Variants in FSCN2 observed in about 807,000 individuals in gnomAD.
FSCN2 encodes fascin actin-bundling protein 2, retinal, also known as fascin-2.
FSCN2 carries 46 observed loss-of-function variants against 37.8 expected under a neutral mutation model. The ratio of observed to expected loss-of-function variants is 1.22; its 90% CI spans 0.96 to 1.56. The LOEUF is 1.56. FSCN2 is among the 40% of genes most tolerant of loss of function. The probability of loss-of-function intolerance (pLI) is 0.00; values close to 1 mark genes in which losing one functional copy is unlikely to be tolerated. For missense variants in FSCN2, 844 were observed against 730.4 expected, an observed-to-expected ratio of 1.16 and a Z score of -1.79; for synonymous variants, 351 against 309.4, an observed-to-expected ratio of 1.13 and a Z score of -1.41.
At chr17:81,522,881 C>A in the FSCN2 span, among the ~76,000 whole-genome samples, 1 of 152,232 alleles carries the variant, frequency 6.6e-6, no homozygotes, top group East Asian at 1.9e-4. Context: ...CTCCTCCTGT[C>A]CCCTGCATGT....
intron 1 of FSCN2, among the ~76,000 whole-genome samples, chr17:81,532,894 G>T (rs1314111987): frequency 6.6e-6 from 1 of 152,098 alleles, no homozygotes; most frequent in Non-Finnish European, 1.5e-5. Context: ...CCCTACTCAA[G>T]ACCAGCTCCC....
chr17:81,529,888 C>CT (rs1340156925), intron 1 of FSCN2, among the ~76,000 whole-genome samples: 8 of 152,396 alleles, frequency 5.2e-5, no homozygotes, highest in Non-Finnish European at 1.2e-4. Flanking sequence ...CGGCTCACTG[C>CT]AAGCGCCGCC....
the FSCN2 span, among the ~76,000 whole-genome samples, chr17:81,520,520 C>A: frequency 6.6e-6 from 1 of 152,262 alleles, no homozygotes; most frequent in Non-Finnish European, 1.5e-5. Context: ...CGTCACCAAG[C>A]TGGGAAGGTG....
chr17:81,536,294 G>T, intron 3 of FSCN2, 27 bp downstream of exon 3: 1 of 1,581,828 alleles, frequency 6.3e-7, no homozygotes, highest in East Asian at 2.3e-5. Context: ...CCAGGTACTG[G>T]GGCAGGGGCT....
At position 81,536,212 on chromosome 17, in the gene FSCN2, G is replaced by A. The variant is rs748477893; in HGVS notation, c.1050G>A (p.Gly350=). The A allele has an allele frequency of 6.2e-7, 1 of 1,601,108 alleles. No individual in the cohort carries two copies. The highest frequency in any genetic ancestry group is 1.1e-5 in the South Asian group (1 of 89,112). The change falls in exon 3 of 5, where the codon GGG becomes GGA. Residue 350 remains glycine (G), a synonymous_variant. Coordinates refer to ENST00000417245, the MANE Select transcript of FSCN2 (RefSeq NM_012418.4). ...GRRVALKASN[G]RYVCMKKNGQ... is the part of the protein sequence containing the mutation. Reference sequence around the variant, plus strand: ...GGGTAGCACTCAAAGCCAGCAACGGGCGCTACGTGTGCATGAAGAAGAATG... The same window carrying A: ...GGGTAGCACTCAAAGCCAGCAACGGACGCTACGTGTGCATGAAGAAGAATG...
chr17:81,522,683 G>T, the FSCN2 span, among the ~76,000 whole-genome samples: 2 of 151,758 alleles, frequency 1.3e-5, no homozygotes, highest in Non-Finnish European at 2.9e-5. Flanking sequence ...ATGCAGGTTC[G>T]CAGGGGCTGG....
At chr17:81,528,196 A>G (rs1015499846), upstream of FSCN2, among the ~76,000 whole-genome samples, 6 of 152,332 alleles carry the variant, frequency 3.9e-5, no homozygotes, top group East Asian at 1.2e-3. Flanking sequence ...CCTGCCCTCC[A>G]GCCCCGTAGG....
the FSCN2 span, among the ~76,000 whole-genome samples, chr17:81,518,485 C>T: frequency 6.6e-6 from 1 of 152,040 alleles, no homozygotes; most frequent in East Asian, 1.9e-4. Context: ...GAGGAGGGAG[C>T]GCAGAGGAAG....
At chr17:81,525,424 T>TC (rs2032321121), upstream of FSCN2, among the ~76,000 whole-genome samples, 1 of 49,076 alleles carries the variant, frequency 2.0e-5, no homozygotes, top group Non-Finnish European at 4.4e-5. Flanking sequence ...AGACTCTGTC[T>TC]CAAAAAAAAA....
At chr17:81,526,017 G>C (rs1224420740), upstream of FSCN2, among the ~76,000 whole-genome samples, 1 of 152,226 alleles carries the variant, frequency 6.6e-6, no homozygotes, top group East Asian at 1.9e-4. Flanking sequence ...GTGGAGCTGT[G>C]GGGCCCTAGA....
rs782669868 is a variant in FSCN2, at chr17:81,528,543, C to A, written c.12C>A (p.Asn4Lys). The change falls in exon 1 of 5, where the codon AAC becomes AAA. Residue 4 changes from asparagine to lysine, a missense_variant. Transcript: ENST00000417245. Reference protein sequence around the residue: MPTNGLHQVLKIQF... With the variant: MPTKGLHQVLKIQF... ...CGGCCAGCCTGAAGATGCCGACGAA[C>A]GGCCTGCACCAGGTGCTGAAGATCC... The A allele has an allele frequency of 6.3e-7, 1 of 1,595,938 alleles. No homozygotes were observed. The highest frequency in any genetic ancestry group is 1.7e-5 in the Admixed American group (1 of 58,196).
intron 1 of FSCN2, among the ~76,000 whole-genome samples, chr17:81,531,540 A>ATGGCGATGATGG (rs2032603306): frequency 1.0e-5 from 1 of 96,764 alleles, no homozygotes; most frequent in African/African-American, 4.0e-5. Flanking sequence ...GATGGTGGTG[A>ATGGCGATGATGG]TGATGGTGAT....
intron 2 of FSCN2, among the ~76,000 whole-genome samples, chr17:81,535,666 TCC>T (rs1264162755): frequency 2.0e-4 from 1 of 5,060 alleles, no homozygotes; most frequent in African/African-American, 1.1e-3. Flanking sequence ...CCCATCTCCA[TCC>T]CCACCATCCC....
At chr17:81,519,751 G>A in the FSCN2 span, among the ~76,000 whole-genome samples, 1 of 152,306 alleles carries the variant, frequency 6.6e-6, no homozygotes, top group Admixed American at 6.5e-5. Context: ...CCGTGGCAGT[G>A]GATGAGGGGG....
intron 1 of FSCN2, among the ~76,000 whole-genome samples, chr17:81,531,330 G>GTGGTGA (rs2032566439): frequency 7.2e-5 from 5 of 69,408 alleles, no homozygotes; most frequent in African/African-American, 3.4e-4. Flanking sequence ...GATGGTGGTG[G>GTGGTGA]TGGTGATGGT....
intron 1 of FSCN2, among the ~76,000 whole-genome samples, chr17:81,533,198 CT>C (rs1019866194): frequency 6.6e-5 from 10 of 152,314 alleles, no homozygotes; most frequent in South Asian, 4.1e-4. Flanking sequence ...CTCTTCCCCC[CT>C]GGGAGGGGAG....
At chr17:81,515,218 A>G in the FSCN2 span, among the ~76,000 whole-genome samples, 1 of 152,068 alleles carries the variant, frequency 6.6e-6, no homozygotes, top group Non-Finnish European at 1.5e-5. Context: ...GGCCTCGCCC[A>G]AGGTCGCGCG....
At chr17:81,515,603 G>T in the FSCN2 span, among the ~76,000 whole-genome samples, 1 of 152,244 alleles carries the variant, frequency 6.6e-6, no homozygotes, top group African/African-American at 2.4e-5. Context: ...TTAACCCAGG[G>T]CCTGCGCCCT....
chr17:81,517,864 GGAGGAGCCAGAAACGGAGATGAAACC>G, the FSCN2 span, among the ~76,000 whole-genome samples: 11 of 152,008 alleles, frequency 7.2e-5, no homozygotes, highest in African/African-American at 1.2e-4. Flanking sequence ...AGATTGCAGG[GGAGGAGCCAGAAACGGAGATGAAACC>G]GAGGAGCCCC....
Sources: allele counts gnomAD v4.1 joint callset (sites outside exome capture counted in the v4.1 genomes callset), GRCh38; gene constraint gnomAD v4.1.1; transcripts MANE v1.5; gene names NCBI Gene and HGNC (gene_info 2026-07-23, HGNC 2026-07-21).